HDAC9: variants seen among roughly 807,000 people sequenced by gnomAD.
HDAC9 encodes histone deacetylase 9.
A neutral mutation model predicts 139.4 loss-of-function variants in HDAC9; 41 were observed. The observed-to-expected ratio is 0.29, with a 90% CI of 0.23 to 0.38. HDAC9 has a LOEUF of 0.38. HDAC9 is among the 10% of genes least tolerant of loss of function. The probability of loss-of-function intolerance (pLI) is 1.00; values close to 1 mark genes in which losing one functional copy is unlikely to be tolerated. For missense variants in HDAC9, 1,147 were observed against 1,297.0 expected (o/e 0.88, Z 1.78); for synonymous variants, 517 against 476.2 (o/e 1.09, Z -1.12).
intron 1 of HDAC9, among the ~76,000 whole-genome samples, chr7:18,147,491 C>T (rs1305478203): frequency 6.6e-6 from 1 of 151,934 alleles, no homozygotes; most frequent in Non-Finnish European, 1.5e-5. Flanking sequence ...CGCTGGTGGA[C>T]ACATGGAAAA....
At chr7:18,742,071 A>G (rs1462627348) in intron 13 of HDAC9, among the ~76,000 whole-genome samples, 1 of 152,188 alleles carries the variant, frequency 6.6e-6, no homozygotes, top group Admixed American at 6.5e-5. Context: ...AAATGACGAG[A>G]AAGGATTTAG....
At chr7:18,953,332 A>G (rs1044483850) in intron 23 of HDAC9, among the ~76,000 whole-genome samples, 1 of 152,162 alleles carries the variant, frequency 6.6e-6, no homozygotes, top group Admixed American at 6.6e-5. Context: ...GGCCCTAGCC[A>G]TGCGCTTTCT....
chr7:18,693,712 C>T (rs1217025462), intron 12 of HDAC9, among the ~76,000 whole-genome samples: 1 of 152,056 alleles, frequency 6.6e-6, no homozygotes, highest in African/African-American at 2.4e-5. Flanking sequence ...TTATGTACTC[C>T]GGAAGTGACC....
chr7:18,887,415 T>A (rs1162740886), intron 22 of HDAC9, among the ~76,000 whole-genome samples: 1 of 152,206 alleles, frequency 6.6e-6, no homozygotes, highest in African/African-American at 2.4e-5. Context: ...ATCTGCAGTT[T>A]GGGTCTAATT....
At chr7:18,630,120 C>G (rs758029039) in intron 7 of HDAC9, among the ~76,000 whole-genome samples, 1 of 151,980 alleles carries the variant, frequency 6.6e-6, no homozygotes, top group Non-Finnish European at 1.5e-5. Context: ...TACAACACCC[C>G]TAGTTCCAGT....
intron 11 of HDAC9, among the ~76,000 whole-genome samples, chr7:18,654,967 C>T (rs1037268261): frequency 6.6e-6 from 1 of 152,164 alleles, no homozygotes; most frequent in Admixed American, 6.5e-5. Flanking sequence ...CATTTCATTC[C>T]TTTCTCGCAT....
In HDAC9 at chr7:18,316,670, C is replaced by T. The variant is rs531172830; in HGVS notation, c.-42+26155C>T. Among the ~76,000 whole-genome samples, 449 of 146,018 alleles carry T rather than the reference C, an allele frequency of 3.1e-3. 3 individuals are homozygous for T. Among genetic ancestry groups the T allele is most frequent in the African/African-American group, 0.011 (435 of 39,642 alleles). Reference sequence around the variant, plus strand: ...AAAAAAAATTGGCTGGGTGTCATGGCGCACACCCAGCTACTCAGGTGGTGT... The same window carrying T: ...AAAAAAAATTGGCTGGGTGTCATGGTGCACACCCAGCTACTCAGGTGGTGT... On this transcript the variant is annotated intron_variant, in intron 1 of 3. Coordinates refer to the HDAC9 transcript ENST00000413509.
chr7:18,241,398 T>C (rs139239866), intron 2 of HDAC9, among the ~76,000 whole-genome samples: 1 of 152,154 alleles, frequency 6.6e-6, no homozygotes, highest in Non-Finnish European at 1.5e-5. Flanking sequence ...TTTCCATTAT[T>C]GGGAGCTCTT....
chr7:18,877,234 T>C (rs998467606), intron 22 of HDAC9, among the ~76,000 whole-genome samples: 5 of 152,162 alleles, frequency 3.3e-5, no homozygotes, highest in Admixed American at 2.6e-4. Context: ...GATTACTAGA[T>C]AGCTCAATAG....
chr7:18,317,316 G>A (rs1273019326), intron 1 of HDAC9, among the ~76,000 whole-genome samples: 3 of 151,972 alleles, frequency 2.0e-5, no homozygotes, highest in Non-Finnish European at 2.9e-5. Context: ...TTTATTTCTA[G>A]CAGCCAGATT....
chr7:18,982,770 T>G (rs576965775), intron 25 of HDAC9, among the ~76,000 whole-genome samples: 35 of 152,318 alleles, frequency 2.3e-4, no homozygotes, highest in African/African-American at 7.9e-4. Context: ...TTCACCTCAT[T>G]AAGCATGTTT....
At chr7:18,280,238 GC>G in intron 2 of HDAC9, among the ~76,000 whole-genome samples, 1 of 152,206 alleles carries the variant, frequency 6.6e-6, no homozygotes, top group Admixed American at 6.5e-5. Context: ...GATTGCTTGA[GC>G]TTAGGAGTTT....
rs1782642330 is a variant in HDAC9 at position 18,949,525 on chromosome 7, A to T, written c.2938-4621A>T. On this transcript the variant is annotated intron_variant, in intron 23 of 25. Coordinates refer to ENST00000686413, the MANE Select transcript of HDAC9 (RefSeq NM_178425.4). ...AACTGTTGGCTGTACAGACATTTTC[A>T]AAGTTGCCAGTGTTACTTTTATTTG... 4 of 215,696 alleles carry T rather than the reference A, an allele frequency of 1.9e-5. No homozygotes were observed. The South Asian group carries it at 3.2e-4, about 17-fold the overall frequency. The allele number at this position is 215,696 out of a possible 1,614,324, so 13.4% of individuals were successfully genotyped here.
At chr7:18,922,219 A>C (rs1322418119) in intron 22 of HDAC9, among the ~76,000 whole-genome samples, 1 of 152,110 alleles carries the variant, frequency 6.6e-6, no homozygotes, top group Non-Finnish European at 1.5e-5. Flanking sequence ...CCTACAACTT[A>C]AACTATAATA....
chr7:18,573,792 G>A (rs1164373073), intron 2 of HDAC9, among the ~76,000 whole-genome samples: 1 of 152,134 alleles, frequency 6.6e-6, no homozygotes, highest in Non-Finnish European at 1.5e-5. Context: ...GGAACATGGT[G>A]GCACCCAGAA....
intron 2 of HDAC9, among the ~76,000 whole-genome samples, chr7:18,209,827 A>G (rs1280810427): frequency 6.6e-6 from 1 of 151,752 alleles, no homozygotes; most frequent in Non-Finnish European, 1.5e-5. Context: ...CAGCCTTCAG[A>G]GTAGCTGGGA....
At chr7:18,702,520 G>A (rs1783573673) in intron 12 of HDAC9, among the ~76,000 whole-genome samples, 1 of 152,136 alleles carries the variant, frequency 6.6e-6, no homozygotes, top group Admixed American at 6.6e-5. Context: ...ACATTAGATG[G>A]CTTAATTTGT....
intron 2 of HDAC9, among the ~76,000 whole-genome samples, chr7:18,524,065 A>G (rs1805985511): frequency 6.6e-6 from 1 of 152,138 alleles, no homozygotes; most frequent in South Asian, 2.1e-4. Context: ...ATAGAGGGGA[A>G]AGAAGCACTT....
chr7:18,177,377 A>G (rs1025722690), intron 2 of HDAC9, among the ~76,000 whole-genome samples: 10 of 152,178 alleles, frequency 6.6e-5, no homozygotes, highest in African/African-American at 2.2e-4. Flanking sequence ...ACTGCCCTGT[A>G]TAAGAAATGT....
Sources: allele counts gnomAD v4.1 joint callset (sites outside exome capture counted in the v4.1 genomes callset), GRCh38; gene constraint gnomAD v4.1.1; transcripts MANE v1.5; gene names NCBI Gene and HGNC (gene_info 2026-07-23, HGNC 2026-07-21).